Variants in FNDC3B observed in about 807,000 individuals in gnomAD.
FNDC3B encodes the protein fibronectin type III domain-containing protein 3B.
In FNDC3B, 12 loss-of-function variants were observed where a neutral mutation model predicts 151.5. That is an observed-to-expected ratio of 0.08 (90% CI 0.05 to 0.13). The LOEUF (loss-of-function observed/expected upper bound fraction) is 0.13, where lower values mean the gene tolerates loss of function less well. Ranked by LOEUF, FNDC3B falls within the 10% of genes least tolerant of loss-of-function variation. The probability of loss-of-function intolerance (pLI) is 1.00; values close to 1 mark genes in which losing one functional copy is unlikely to be tolerated. For missense variants in FNDC3B, 1,214 were observed against 1,505.3 expected (o/e 0.81, Z 3.20); for synonymous variants, 528 against 549.0 (o/e 0.96, Z 0.54).
At chr3:172,304,213 A>C (rs1035057286) in intron 9 of FNDC3B, among the ~76,000 whole-genome samples, 1 of 152,180 alleles carries the variant, frequency 6.6e-6, no homozygotes, top group Non-Finnish European at 1.5e-5. Context: ...TGAACAAAGA[A>C]TTTACTGAGA....
At chr3:172,234,095 C>G (rs1727020057) in intron 4 of FNDC3B, among the ~76,000 whole-genome samples, 1 of 152,192 alleles carries the variant, frequency 6.6e-6, no homozygotes, top group African/African-American at 2.4e-5. Context: ...TCTCCCTGTT[C>G]TGCATTTTCT....
At chr3:172,122,282 C>CT (rs58869685) in intron 2 of FNDC3B, among the ~76,000 whole-genome samples, 11 of 150,660 alleles carry the variant, frequency 7.3e-5, no homozygotes, top group Admixed American at 2.0e-4. Context: ...CATTCTCGTT[C>CT]TTTTTTTTTT....
At chr3:172,051,083 CTTTT>C (rs550247058) in intron 1 of FNDC3B, among the ~76,000 whole-genome samples, 1 of 137,776 alleles carries the variant, frequency 7.3e-6, no homozygotes, top group Non-Finnish European at 1.6e-5. Context: ...TTTCTTTCTT[CTTTT>C]TTTTTTTTTT....
chr3:172,055,527 A>T (rs1716871430), intron 1 of FNDC3B, among the ~76,000 whole-genome samples: 1 of 152,076 alleles, frequency 6.6e-6, no homozygotes, highest in South Asian at 2.1e-4. Context: ...TCAGGAGTTC[A>T]TTCAAACCTA....
chr3:172,305,843 C>G (rs1282701180), intron 9 of FNDC3B, among the ~76,000 whole-genome samples: 1 of 152,120 alleles, frequency 6.6e-6, no homozygotes, highest in East Asian at 1.9e-4. Flanking sequence ...TGAGCCCATC[C>G]TGACACAGGG....
chr3:172,389,489 T>C (rs1235118089), intron 25 of FNDC3B, among the ~76,000 whole-genome samples: 11 of 152,236 alleles, frequency 7.2e-5, no homozygotes, highest in African/African-American at 2.2e-4. Flanking sequence ...AAAGTTTTAA[T>C]ATTTGGATCA....
chr3:172,222,021 TATCACATCATTATTTC>T (rs908207707), intron 3 of FNDC3B, among the ~76,000 whole-genome samples: 1 of 152,258 alleles, frequency 6.6e-6, no homozygotes, highest in Non-Finnish European at 1.5e-5. Context: ...AATTAGATTT[TATCACATCATTATTTC>T]ATCTTTGCCT....
At chr3:172,064,343 T>C (rs546873479) in intron 1 of FNDC3B, among the ~76,000 whole-genome samples, 1 of 152,182 alleles carries the variant, frequency 6.6e-6, no homozygotes, top group South Asian at 2.1e-4. Context: ...TTACCCAGGC[T>C]AAGGTATTTT....
At chr3:172,195,034 C>T (rs1421624924) in intron 3 of FNDC3B, among the ~76,000 whole-genome samples, 1 of 152,096 alleles carries the variant, frequency 6.6e-6, no homozygotes. Flanking sequence ...AGAAATAAAT[C>T]TAAGTCTGTA....
intron 25 of FNDC3B, among the ~76,000 whole-genome samples, chr3:172,392,827 CAGAG>C (rs1311212225): frequency 7.5e-4 from 13 of 17,324 alleles, no homozygotes; most frequent in East Asian, 5.9e-3. Flanking sequence ...TTTTTTCAGA[CAGAG>C]AGTATTGCTC....
chr3:172,156,805 C>A (rs888098375), intron 3 of FNDC3B, among the ~76,000 whole-genome samples: 1 of 151,458 alleles, frequency 6.6e-6, no homozygotes, highest in Non-Finnish European at 1.5e-5. Context: ...TGAACCGTAT[C>A]GAATTCCAGG....
chr3:172,106,579 A>T (rs144543501), intron 1 of FNDC3B, among the ~76,000 whole-genome samples: 1 of 152,346 alleles, frequency 6.6e-6, no homozygotes, highest in African/African-American at 2.4e-5. Context: ...AATTTGGGTC[A>T]TTGGCCCTCA....
At chr3:172,070,199 C>G (rs1205088035) in intron 1 of FNDC3B, among the ~76,000 whole-genome samples, 1 of 152,192 alleles carries the variant, frequency 6.6e-6, no homozygotes, top group Non-Finnish European at 1.5e-5. Context: ...AACATGCTAA[C>G]ATTTTTCCAG....
Position 172,344,069 on chromosome 3 carries a change from A to G in FNDC3B, c.2078-17A>G. On this transcript the variant is annotated splice_polypyrimidine_tract_variant and intron_variant, in intron 18 of 25. Coordinates refer to ENST00000415807, the MANE Select transcript of FNDC3B (RefSeq NM_022763.4). Reference sequence around the variant, plus strand: ...AGCACAAAGTGTTCTAAGATGAAAAAAATTCTTCATTCCCAGATGTTCCTG... The same window carrying G: ...AGCACAAAGTGTTCTAAGATGAAAAGAATTCTTCATTCCCAGATGTTCCTG... 3 of 1,599,252 alleles carry G rather than the reference A, an allele frequency of 1.9e-6. No homozygotes were observed. The highest frequency in any genetic ancestry group is 2.6e-6 in the Non-Finnish European group (3 of 1,171,656).
intron 2 of FNDC3B, among the ~76,000 whole-genome samples, chr3:172,130,440 T>C (rs1391902142): frequency 1.3e-5 from 2 of 152,004 alleles, no homozygotes; most frequent in Admixed American, 1.3e-4. Flanking sequence ...AGGGAGGTAT[T>C]TTCGTCGGAT....
intron 2 of FNDC3B, among the ~76,000 whole-genome samples, chr3:172,118,900 G>A (rs1419772929): frequency 2.0e-5 from 3 of 151,988 alleles, no homozygotes; most frequent in Admixed American, 2.0e-4. Flanking sequence ...CTGGCATGTT[G>A]GCTCATGCCT....
chr3:172,350,789 G>A (rs1192347361), intron 21 of FNDC3B, among the ~76,000 whole-genome samples: 5 of 152,086 alleles, frequency 3.3e-5, no homozygotes, highest in Admixed American at 2.6e-4. Context: ...GCAAGCAGAG[G>A]TTGTTGCAGT....
chr3:172,337,314 T>G lies in FNDC3B; in HGVS notation c.1781-16T>G. The G allele has an allele frequency of 6.4e-7, 1 of 1,557,264 alleles. No homozygotes were observed. The highest frequency in any genetic ancestry group is 8.8e-7 in the Non-Finnish European group (1 of 1,131,966). ...ATATCCTTTTATTGCTAATAAGACATTTGGTTATTTTCCAGATCCCCCTAA... is the reference window on the plus strand; with the variant it reads ...ATATCCTTTTATTGCTAATAAGACAGTTGGTTATTTTCCAGATCCCCCTAA... On this transcript the variant is annotated splice_polypyrimidine_tract_variant and intron_variant, in intron 15 of 25. Coordinates refer to ENST00000415807, the MANE Select transcript of FNDC3B (RefSeq NM_022763.4).
At chr3:172,211,675 G>C (rs531932409) in intron 3 of FNDC3B, among the ~76,000 whole-genome samples, 2 of 152,268 alleles carry the variant, frequency 1.3e-5, no homozygotes, top group African/African-American at 4.8e-5. Context: ...GTTACATTTT[G>C]TTTGTATGGC....
Sources: gnomAD v4.1 joint callset for allele counts (sites outside exome capture counted in the v4.1 genomes callset) on GRCh38, gnomAD v4.1.1 for gene constraint, MANE v1.5 for transcripts, NCBI Gene and HGNC (gene_info 2026-07-23, HGNC 2026-07-21) for gene names.